Variants in IMMP2L observed in about 807,000 individuals in gnomAD.
The protein encoded by IMMP2L is mitochondrial inner membrane protease subunit 2.
A neutral mutation model predicts 19.3 loss-of-function variants in IMMP2L; 18 were observed. The ratio of observed to expected loss-of-function variants is 0.93; its 90% CI spans 0.64 to 1.38. The LOEUF (loss-of-function observed/expected upper bound fraction) is 1.38, where lower values mean the gene tolerates loss of function less well. IMMP2L is among the 40% of genes most tolerant of loss of function. IMMP2L has a pLI of 0.00. For synonymous variants in IMMP2L, 76 were observed against 73.0 expected (o/e 1.04, Z -0.21); for missense variants, 233 against 218.2 (o/e 1.07, Z -0.43).
At chr7:111,016,273 T>C (rs895959980) in intron 3 of IMMP2L, among the ~76,000 whole-genome samples, 1 of 149,552 alleles carries the variant, frequency 6.7e-6, no homozygotes, top group Non-Finnish European at 1.5e-5. Context: ...ATTAGCTACA[T>C]GGATGTTACT....
chr7:110,804,449 G>A (rs1277250516), intron 5 of IMMP2L, among the ~76,000 whole-genome samples: 1 of 151,962 alleles, frequency 6.6e-6, no homozygotes, highest in Non-Finnish European at 1.5e-5. Flanking sequence ...CCTATCACTT[G>A]TGGGATTGAC....
At chr7:111,091,956 A>T (rs536376654) in intron 3 of IMMP2L, among the ~76,000 whole-genome samples, 2 of 152,306 alleles carry the variant, frequency 1.3e-5, no homozygotes, top group East Asian at 3.9e-4. Context: ...AGTGAAAAGC[A>T]GATCACACAT....
chr7:111,142,248 C>A (rs1802979737), intron 3 of IMMP2L, among the ~76,000 whole-genome samples: 1 of 151,244 alleles, frequency 6.6e-6, no homozygotes, highest in South Asian at 2.1e-4. Flanking sequence ...ATAGCTTGAA[C>A]CCAGGTGGTA....
intron 3 of IMMP2L, among the ~76,000 whole-genome samples, chr7:111,119,489 A>G (rs1389799035): frequency 6.6e-6 from 1 of 152,230 alleles, no homozygotes; most frequent in Non-Finnish European, 1.5e-5. Flanking sequence ...TAAAGCACAG[A>G]TATAATAGAT....
At chr7:111,190,630 C>T (rs907936911) in intron 3 of IMMP2L, among the ~76,000 whole-genome samples, 1 of 152,050 alleles carries the variant, frequency 6.6e-6, no homozygotes, top group East Asian at 1.9e-4. Context: ...TACAATATGT[C>T]ACTAACAATA....
intron 3 of IMMP2L, among the ~76,000 whole-genome samples, chr7:111,037,466 A>G (rs1484877840): frequency 6.6e-6 from 1 of 152,138 alleles, no homozygotes; most frequent in East Asian, 1.9e-4. Context: ...CTTCAGATGC[A>G]TTAGTAGGAT....
At chr7:111,397,795 C>T (rs906581180) in intron 3 of IMMP2L, among the ~76,000 whole-genome samples, 1 of 151,934 alleles carries the variant, frequency 6.6e-6, no homozygotes, top group African/African-American at 2.4e-5. Context: ...TTTGATGTTG[C>T]AAATACTTTT....
At chr7:111,162,830 AC>A (rs1276776565) in intron 3 of IMMP2L, among the ~76,000 whole-genome samples, 1 of 151,782 alleles carries the variant, frequency 6.6e-6, no homozygotes, top group Non-Finnish European at 1.5e-5. Context: ...TTGTCTAGAC[AC>A]CCCCGCCCTC....
At chr7:110,998,418 T>C (rs1823266578) in intron 3 of IMMP2L, among the ~76,000 whole-genome samples, 1 of 152,196 alleles carries the variant, frequency 6.6e-6, no homozygotes, top group African/African-American at 2.4e-5. Context: ...GAAGAGAAGA[T>C]AGAGTTTTCT....
At chr7:111,454,571 T>C (rs1839517203) in intron 3 of IMMP2L, among the ~76,000 whole-genome samples, 1 of 152,050 alleles carries the variant, frequency 6.6e-6, no homozygotes, top group African/African-American at 2.4e-5. Flanking sequence ...TTCCTGTGTA[T>C]CATTTCAAAA....
At chr7:111,196,048 GTTTTT>G (rs1001737863) in intron 3 of IMMP2L, among the ~76,000 whole-genome samples, 60 of 151,838 alleles carry the variant, frequency 4.0e-4, no homozygotes, top group South Asian at 2.5e-3. Flanking sequence ...GTTTTGTTTT[GTTTTT>G]GATAGAGACA....
chr7:111,265,498 G>T (rs539900595), intron 3 of IMMP2L, among the ~76,000 whole-genome samples: 2 of 152,246 alleles, frequency 1.3e-5, no homozygotes, highest in Admixed American at 1.3e-4. Context: ...TATCATCAAG[G>T]ATTGAAGGAT....
intron 5 of IMMP2L, among the ~76,000 whole-genome samples, chr7:110,826,442 G>A (rs1253491038): frequency 6.6e-6 from 1 of 152,142 alleles, no homozygotes; most frequent in Non-Finnish European, 1.5e-5. Flanking sequence ...CAACCCAAAT[G>A]TCCATCAATG....
chr7:111,325,127 G>A (rs1417279039), intron 3 of IMMP2L, among the ~76,000 whole-genome samples: 1 of 151,316 alleles, frequency 6.6e-6, no homozygotes. Context: ...CCCAATAATA[G>A]GTTAATCCAC....
intron 3 of IMMP2L, among the ~76,000 whole-genome samples, chr7:111,345,432 G>A (rs184703077): frequency 1.3e-5 from 2 of 152,226 alleles, no homozygotes; most frequent in Admixed American, 6.5e-5. Flanking sequence ...TTTACAGGAT[G>A]TTGATTCCTA....
intron 3 of IMMP2L, among the ~76,000 whole-genome samples, chr7:111,251,661 C>T (rs1203300853): frequency 2.0e-5 from 3 of 152,218 alleles, no homozygotes; most frequent in East Asian, 1.9e-4. Context: ...CCAAACACCA[C>T]GTGTTCTTAT....
Position 110,981,193 on chromosome 7 carries a change from G to C in IMMP2L, c.240-17628C>G, listed in dbSNP as rs149168965. Among the ~76,000 whole-genome samples the C allele has an allele frequency of 7.0e-3, 1,068 of 152,056 alleles. 12 individuals are homozygous for C. Among genetic ancestry groups the C allele is most frequent in the African/African-American group, 0.025 (1,017 of 41,500 alleles). On this transcript the variant is annotated intron_variant, in intron 3 of 5. Coordinates refer to ENST00000405709, the MANE Select transcript of IMMP2L (RefSeq NM_032549.4). ...CAAGGTGAAATTTTTAGACAAAGAA[G>C]AAAGTTGTGTATAAATGTAATCAAC...
At chr7:111,417,010 A>C (rs1457654452) in intron 3 of IMMP2L, among the ~76,000 whole-genome samples, 1 of 151,812 alleles carries the variant, frequency 6.6e-6, no homozygotes, top group Admixed American at 6.6e-5. Flanking sequence ...AGTACATAAA[A>C]TTAAAGATTC....
At chr7:110,837,378 A>AGAGAAAGAGACAGAAAGG (rs1324735928) in intron 5 of IMMP2L, among the ~76,000 whole-genome samples, 20 of 152,078 alleles carry the variant, frequency 1.3e-4, no homozygotes, top group Non-Finnish European at 2.5e-4. Flanking sequence ...GCAGAGAGAC[A>AGAGAAAGAGACAGAAAGG]GAGAAAGAGA....
Sources: allele counts gnomAD v4.1 joint callset (sites outside exome capture counted in the v4.1 genomes callset), GRCh38; gene constraint gnomAD v4.1.1; transcripts MANE v1.5; gene names NCBI Gene and HGNC (gene_info 2026-07-23, HGNC 2026-07-21).